The following RFT1 variants were observed in gnomAD, a reference collection of about 807,000 sequenced individuals.
RFT1 encodes the protein man(5)GlcNAc(2)-PP-dolichol translocation protein RFT1.
In RFT1, 43 loss-of-function variants were observed where a neutral mutation model predicts 62.2. That is an observed-to-expected ratio of 0.69 (90% CI 0.54 to 0.89). RFT1 has a LOEUF of 0.89. RFT1 is among the 40% of genes least tolerant of loss of function. The probability of loss-of-function intolerance (pLI) is 0.00; values close to 1 mark genes in which losing one functional copy is unlikely to be tolerated. For missense variants in RFT1, 605 were observed against 649.9 expected (o/e 0.93, Z 0.75); for synonymous variants, 262 against 264.6 (o/e 0.99, Z 0.10).
At position 53,090,018 on chromosome 3, in the gene RFT1, G is replaced by C. The variant is rs971990936; in HGVS notation, c.*1885C>G. 2.0e-5 allele frequency: 3 copies of C among 152,722 alleles called. No individual in the cohort carries two copies. The highest frequency in any genetic ancestry group is 7.2e-5 in the African/African-American group (3 of 41,430). 9.5% of individuals were successfully genotyped at this position (152,722 alleles called of 1,614,324 possible). ...GGCCTGTCACGAAGGAAGACAATGG[G>C]GCATGCCAACCTTGGTGGCATCAAA... is the stretch of plus-strand genomic sequence containing the variant. On this transcript the variant is annotated 3_prime_UTR_variant, in exon 13 of 13. Transcript: ENST00000296292.
chr3:53,103,047 G>A, intron 10 of RFT1: 1 of 945,838 alleles, frequency 1.1e-6, no homozygotes, highest in Non-Finnish European at 1.3e-6. Flanking sequence ...CCAGGGAGCT[G>A]CAAACCACTT....
At chr3:53,104,139 G>A in intron 9 of RFT1, 42 bp from the exon 10 acceptor site, 10 of 1,610,016 alleles carry the variant, frequency 6.2e-6, no homozygotes, top group South Asian at 1.1e-5. Flanking sequence ...TGAATCATGA[G>A]CTGAAGAAAA....
At chr3:53,086,793 T>C (rs1197339054), downstream of RFT1, among the ~76,000 whole-genome samples, 2 of 152,176 alleles carry the variant, frequency 1.3e-5, no homozygotes, top group East Asian at 3.8e-4. Context: ...ACTGAGAACC[T>C]TGTGCAAGCA....
At chr3:53,071,064 G>T in the RFT1 span, among the ~76,000 whole-genome samples, 1 of 151,806 alleles carries the variant, frequency 6.6e-6, no homozygotes, top group African/African-American at 2.4e-5. Flanking sequence ...AGAAAATTCT[G>T]GAATTTTTTG....
At chr3:53,102,951 A>G (rs1383272439) in intron 10 of RFT1, among the ~76,000 whole-genome samples, 1 of 152,170 alleles carries the variant, frequency 6.6e-6, no homozygotes, top group Non-Finnish European at 1.5e-5. Flanking sequence ...CGAGTTCCCA[A>G]TCTCTGCCCA....
At chr3:53,120,999 AT>A (rs756900571) in intron 5 of RFT1, among the ~76,000 whole-genome samples, 1 of 152,246 alleles carries the variant, frequency 6.6e-6, no homozygotes, top group Non-Finnish European at 1.5e-5. Context: ...TACATAAATC[AT>A]TACTAAGAAT....
intron 2 of RFT1, among the ~76,000 whole-genome samples, chr3:53,125,019 C>T (rs1221215862): frequency 1.3e-5 from 2 of 152,102 alleles, no homozygotes; most frequent in Admixed American, 6.6e-5. Flanking sequence ...GAAAAGAAAA[C>T]ATATTTCTCA....
At chr3:53,075,207 T>A in the RFT1 span, among the ~76,000 whole-genome samples, 2 of 152,320 alleles carry the variant, frequency 1.3e-5, no homozygotes, top group South Asian at 4.1e-4. Context: ...GGTGTTGCCA[T>A]GACAACCACA....
intron 9 of RFT1, among the ~76,000 whole-genome samples, chr3:53,104,451 A>G (rs1341703543): frequency 2.0e-5 from 3 of 151,616 alleles, no homozygotes; most frequent in Non-Finnish European, 1.5e-5. Context: ...CTAATCTCAA[A>G]CTCCTGGCCT....
intron 11 of RFT1, among the ~76,000 whole-genome samples, chr3:53,096,729 T>C (rs11718752): frequency 0.16 from 25,003 of 152,066 alleles, 2,976 homozygotes; most frequent in African/African-American, 0.34. Flanking sequence ...ATATTTCATA[T>C]ACAACCAAAT....
intron 7 of RFT1, among the ~76,000 whole-genome samples, chr3:53,108,321 G>C (rs1701548271): frequency 6.6e-6 from 1 of 151,550 alleles, no homozygotes; most frequent in Non-Finnish European, 1.5e-5. Flanking sequence ...CAAAGTGCTT[G>C]GATTGCAGGT....
chr3:53,111,463 A>G (rs547738361), intron 7 of RFT1, among the ~76,000 whole-genome samples: 1 of 152,330 alleles, frequency 6.6e-6, no homozygotes, highest in South Asian at 2.1e-4. Flanking sequence ...TTTCATAATA[A>G]ATTCATAAAA....
chr3:53,114,014 T>C (rs1020382829), intron 6 of RFT1, among the ~76,000 whole-genome samples: 2 of 152,322 alleles, frequency 1.3e-5, no homozygotes, highest in African/African-American at 4.8e-5. Flanking sequence ...GGAGTAAATC[T>C]TCCCTGATGA....
At chr3:53,128,910 G>A (rs575293369) in intron 1 of RFT1, among the ~76,000 whole-genome samples, 1 of 152,372 alleles carries the variant, frequency 6.6e-6, no homozygotes, top group African/African-American at 2.4e-5. Context: ...TGAGGGTTAA[G>A]TGATTTCCTC....
intron 11 of RFT1, among the ~76,000 whole-genome samples, chr3:53,095,306 C>T (rs867702124): frequency 5.9e-5 from 9 of 152,086 alleles, no homozygotes; most frequent in African/African-American, 1.2e-4. Flanking sequence ...AATTATTAAT[C>T]GGTGACAATA....
intron 11 of RFT1, among the ~76,000 whole-genome samples, chr3:53,098,692 C>T (rs776115521): frequency 2.0e-5 from 3 of 148,790 alleles, no homozygotes; most frequent in Non-Finnish European, 4.4e-5. Context: ...GTCCCAGCTA[C>T]CTGGGAGGCT....
intron 12 of RFT1, 51 bp from the exon 13 acceptor site, chr3:53,092,121 C>A (rs1255102054): frequency 2.5e-6 from 4 of 1,607,346 alleles, no homozygotes; most frequent in Non-Finnish European, 3.4e-6. Flanking sequence ...ATACCTCCTT[C>A]CTCTGGGACC....
rs138080398 is a variant in RFT1, at chr3:53,116,418, A to G, written c.696+3466T>C. 7.6e-3 allele frequency among the ~76,000 whole-genome samples: 1,136 copies of G among 149,630 alleles called. 16 individuals carry two copies. Among genetic ancestry groups the G allele is most frequent in the African/African-American group, 0.027 (1,091 of 40,600 alleles). On this transcript the variant is annotated intron_variant, in intron 6 of 12. Transcript: ENST00000296292. The stretch of plus-strand genomic sequence containing the variant: ...AAGTGATCCTCCTGCCTCAGCCTCC[A>G]GAGTAGCTGGGATCACAGGCATGTG...
At chr3:53,127,414 A>G (rs1042186556) in intron 1 of RFT1, among the ~76,000 whole-genome samples, 3 of 152,012 alleles carry the variant, frequency 2.0e-5, no homozygotes, top group South Asian at 2.1e-4. Flanking sequence ...TGTAATCCCA[A>G]TACTTAGCTG....
Sources: gnomAD v4.1 joint callset for allele counts (sites outside exome capture counted in the v4.1 genomes callset) on GRCh38, gnomAD v4.1.1 for gene constraint, MANE v1.5 for transcripts, NCBI Gene and HGNC (gene_info 2026-07-23, HGNC 2026-07-21) for gene names.